Variants in PDE4D observed in about 807,000 individuals in gnomAD.
PDE4D encodes 3',5'-cyclic-AMP phosphodiesterase 4D.
In PDE4D, 24 loss-of-function variants were observed where a neutral mutation model predicts 87.4. The observed-to-expected ratio is 0.27, with a 90% CI of 0.20 to 0.39. The LOEUF (loss-of-function observed/expected upper bound fraction) is 0.39, where lower values mean the gene tolerates loss of function less well. Among genes scored for constraint, PDE4D ranks in the 10% least tolerant of loss-of-function variants. The probability of loss-of-function intolerance (pLI) is 1.00; values close to 1 mark genes in which losing one functional copy is unlikely to be tolerated. For synonymous variants in PDE4D, 384 were observed against 383.2 expected, an observed-to-expected ratio of 1.00 and a Z score of -0.02; for missense variants, 714 against 1,041.0, an observed-to-expected ratio of 0.69 and a Z score of 4.32.
chr5:59,950,974 A>C (rs1246923765), intron 3 of PDE4D, among the ~76,000 whole-genome samples: 1 of 152,238 alleles, frequency 6.6e-6, no homozygotes, highest in Non-Finnish European at 1.5e-5. Context: ...AATTTCAAAA[A>C]AAATTGTCAA....
intron 1 of PDE4D, among the ~76,000 whole-genome samples, chr5:59,794,694 C>A (rs753595166): frequency 2.2e-4 from 33 of 152,068 alleles, no homozygotes; most frequent in Admixed American, 1.3e-3. Context: ...ATAAAACAAA[C>A]AAAACATAGT....
chr5:59,071,683 C>CTTTTTTTTTTTTTTTTTTTTTT (rs10701223), intron 5 of PDE4D, among the ~76,000 whole-genome samples: 3 of 82,406 alleles, frequency 3.6e-5, no homozygotes, highest in Admixed American at 2.0e-4. Flanking sequence ...TATTTCTCTT[C>CTTTTTTTTTTTTTTTTTTTTTT]TTTTTTTTTT....
intron 5 of PDE4D, among the ~76,000 whole-genome samples, chr5:59,067,084 AG>A (rs1764066818): frequency 2.0e-5 from 3 of 151,894 alleles, no homozygotes; most frequent in Non-Finnish European, 4.4e-5. Context: ...CCATGATCTC[AG>A]ATCACTGCAC....
At chr5:59,360,539 C>T (rs181270830) in intron 1 of PDE4D, among the ~76,000 whole-genome samples, 285 of 152,118 alleles carry the variant, frequency 1.9e-3, no homozygotes, top group African/African-American at 6.5e-3. Context: ...AGTTTGATAA[C>T]GGGGCTTGTG....
intron 1 of PDE4D, among the ~76,000 whole-genome samples, chr5:59,508,739 AT>A (rs1271452226): frequency 6.6e-6 from 1 of 152,084 alleles, no homozygotes; most frequent in African/African-American, 2.4e-5. Context: ...CAACACACAT[AT>A]TTAGAATAAA....
chr5:60,075,403 T>C (rs1773178356), intron 2 of PDE4D, among the ~76,000 whole-genome samples: 1 of 152,226 alleles, frequency 6.6e-6, no homozygotes, highest in African/African-American at 2.4e-5. Context: ...CTTCCCTTTG[T>C]AGGTGGCCTG....
Position 59,872,262 on chromosome 5 carries a change from T to TACACACACAC in PDE4D, c.455+20896_455+20905dup, listed in dbSNP as rs71606610. ...ACTGATGGATTCACAACAGAAGAGT[T>TACACACACAC]ACACACACACACACACACACACACA... On this transcript the variant is annotated intron_variant, in intron 1 of 14. Coordinates refer to ENST00000340635, the MANE Select transcript of PDE4D (RefSeq NM_001104631.2). Among the ~76,000 whole-genome samples, 64 of 131,816 alleles carry TACACACACAC rather than the reference T, an allele frequency of 4.9e-4. 1 individual carries two copies. The highest frequency in any genetic ancestry group is 1.8e-3 in the African/African-American group (58 of 31,988). 86.5% of individuals were successfully genotyped at this position (131,816 alleles called of 152,430 possible).
At chr5:59,373,295 A>G (rs1417471679) in intron 1 of PDE4D, among the ~76,000 whole-genome samples, 1 of 152,232 alleles carries the variant, frequency 6.6e-6, no homozygotes, top group Non-Finnish European at 1.5e-5. Context: ...AAAACAATGC[A>G]GGAACTGACA....
intron 5 of PDE4D, among the ~76,000 whole-genome samples, chr5:59,122,810 G>A (rs565068673): frequency 8.5e-5 from 13 of 152,188 alleles, no homozygotes; most frequent in Non-Finnish European, 1.9e-4. Context: ...ACATTCCAAA[G>A]TAAAACCCCT....
chr5:59,982,679 G>A (rs1431819068), intron 3 of PDE4D, among the ~76,000 whole-genome samples: 4 of 152,172 alleles, frequency 2.6e-5, no homozygotes, highest in African/African-American at 9.7e-5. Context: ...AGCAAGACAT[G>A]TGTGCGGGAA....
intron 6 of PDE4D, among the ~76,000 whole-genome samples, chr5:59,026,450 A>G (rs1047257841): frequency 6.6e-6 from 1 of 152,218 alleles, no homozygotes; most frequent in Non-Finnish European, 1.5e-5. Flanking sequence ...TTCTTGTACT[A>G]ATTTATGTGA....
At chr5:60,440,020 A>G (rs928639548) in intron 1 of PDE4D, among the ~76,000 whole-genome samples, 1 of 151,796 alleles carries the variant, frequency 6.6e-6, no homozygotes, top group African/African-American at 2.4e-5. Flanking sequence ...AACCCATGGT[A>G]CTTTCTCCCT....
At chr5:59,326,735 A>T (rs1208526185) in intron 1 of PDE4D, among the ~76,000 whole-genome samples, 1 of 152,200 alleles carries the variant, frequency 6.6e-6, no homozygotes, top group African/African-American at 2.4e-5. Flanking sequence ...TTACAATGAA[A>T]AAAAGCATAT....
intron 1 of PDE4D, among the ~76,000 whole-genome samples, chr5:59,642,224 G>A (rs1251595910): frequency 6.6e-6 from 1 of 151,758 alleles, no homozygotes; most frequent in African/African-American, 2.4e-5. Flanking sequence ...CTCTGGGAAT[G>A]GAAGTAAAAC....
intron 1 of PDE4D, among the ~76,000 whole-genome samples, chr5:60,381,147 C>A (rs1761828579): frequency 6.6e-6 from 1 of 152,138 alleles, no homozygotes; most frequent in South Asian, 2.1e-4. Context: ...TTTATGCTAA[C>A]AATGTGATGC....
At chr5:59,061,925 C>A (rs1261263595) in intron 5 of PDE4D, among the ~76,000 whole-genome samples, 1 of 151,952 alleles carries the variant, frequency 6.6e-6, no homozygotes. Flanking sequence ...GAAGTAGAGA[C>A]CTTCACTGAA....
In PDE4D at chr5:59,199,981, T is replaced by C. The variant is rs560835439; in HGVS notation, c.648-6445A>G. On this transcript the variant is annotated intron_variant, in intron 2 of 14. Coordinates refer to ENST00000340635, the MANE Select transcript of PDE4D (RefSeq NM_001104631.2). ...ATACATACAGGCACATACATACATA[T>C]ATACACATGCATACATGCATGCAAC... Among the ~76,000 whole-genome samples, 9 of 143,752 alleles carry C rather than the reference T, an allele frequency of 6.3e-5. No individual in the cohort carries two copies. The South Asian group carries it at 6.3e-4, about 10-fold the overall frequency. 94.3% of individuals were successfully genotyped at this position (143,752 alleles called of 152,430 possible).
Position 60,204,564 on chromosome 5 carries a change from G to T in PDE4D, c.-89-18877C>A, listed in dbSNP as rs16877754. Among the ~76,000 whole-genome samples, 850 of 152,222 alleles carry T rather than the reference G, an allele frequency of 5.6e-3. 5 individuals carry two copies. The highest frequency in any genetic ancestry group is 0.02 in the African/African-American group (820 of 41,510). Reference sequence around the variant, plus strand: ...ATCAATGGGCTGGATGGCATTTCCCGCATTCTACATATGATATAGCAAATC... The same window carrying T: ...ATCAATGGGCTGGATGGCATTTCCCTCATTCTACATATGATATAGCAAATC... On this transcript the variant is annotated intron_variant, in intron 1 of 16. Coordinates refer to the PDE4D transcript ENST00000502484.
chr5:59,951,430 A>G (rs182143283), intron 3 of PDE4D, among the ~76,000 whole-genome samples: 22 of 152,352 alleles, frequency 1.4e-4, no homozygotes, highest in African/African-American at 4.3e-4. Flanking sequence ...TACTGTCACC[A>G]TCATTTCCTC....
Sources: gnomAD v4.1 joint callset for allele counts (sites outside exome capture counted in the v4.1 genomes callset) on GRCh38, gnomAD v4.1.1 for gene constraint, MANE v1.5 for transcripts, NCBI Gene and HGNC (gene_info 2026-07-23, HGNC 2026-07-21) for gene names.